PDE2A: variants seen among roughly 807,000 people sequenced by gnomAD.
PDE2A encodes the protein cGMP-dependent 3',5'-cyclic phosphodiesterase.
PDE2A carries 53 observed loss-of-function variants against 133.6 expected under a neutral mutation model. The ratio of observed to expected loss-of-function variants is 0.40; its 90% CI spans 0.32 to 0.50. The LOEUF is 0.50. Among genes scored for constraint, PDE2A ranks in the 20% least tolerant of loss-of-function variants. The probability of loss-of-function intolerance (pLI) is 0.73; values close to 1 mark genes in which losing one functional copy is unlikely to be tolerated. For missense variants in PDE2A, 796 were observed against 1,232.4 expected, an observed-to-expected ratio of 0.65 and a Z score of 5.30; for synonymous variants, 491 against 490.2, an observed-to-expected ratio of 1.00 and a Z score of -0.02.
chr11:72,579,691 C>T (rs772324057), intron 25 of PDE2A, 83 bp from the exon 26 acceptor site: 35 of 939,476 alleles, frequency 3.7e-5, no homozygotes, highest in Middle Eastern at 3.1e-4. Flanking sequence ...GCAGGGGCCT[C>T]GTCCAGCTCC....
chr11:72,653,229 GGAA>G, intron 1 of PDE2A, among the ~76,000 whole-genome samples: 1 of 152,312 alleles, frequency 6.6e-6, no homozygotes, highest in East Asian at 1.9e-4. Context: ...GCTCTCGAGG[GGAA>G]GAAGGAGGCA....
At chr11:72,630,354 C>A (rs1021915195) in intron 2 of PDE2A, among the ~76,000 whole-genome samples, 1 of 152,002 alleles carries the variant, frequency 6.6e-6, no homozygotes, top group Non-Finnish European at 1.5e-5. Flanking sequence ...GACAGCAGAG[C>A]GCCCTGGCAT....
intron 2 of PDE2A, among the ~76,000 whole-genome samples, chr11:72,614,652 G>T (rs73544309): frequency 0.063 from 9,655 of 152,214 alleles, 1,017 homozygotes; most frequent in African/African-American, 0.22. Flanking sequence ...TGCTGGTCGG[G>T]GGACCACACC....
chr11:72,669,151 C>T (rs74955758), intron 1 of PDE2A: 3,742 of 167,236 alleles, frequency 0.022, 70 homozygotes, highest in African/African-American at 0.043. Flanking sequence ...CCCAGGACCA[C>T]ACAGCTACAG....
chr11:72,592,243 G>A (rs1049831575), intron 6 of PDE2A, among the ~76,000 whole-genome samples: 4 of 152,312 alleles, frequency 2.6e-5, no homozygotes, highest in South Asian at 2.1e-4. Context: ...CCCCACCTGC[G>A]TCACTAGCTT....
chr11:72,578,438 C>T lies in PDE2A; in HGVS notation c.2508+38G>A. 6.3e-7 allele frequency: 1 copy of T among 1,596,392 alleles called. No homozygotes were observed. ...CTCCCTGTCCCAGGCCAGGAACCCT[C>T]CCCCATCCTGGACATCCTGGGGTCA... On this transcript the variant is annotated intron_variant, in intron 29 of 30. Transcript: ENST00000334456. The surrounding 1 kb of genome is among the most constrained non-coding windows in gnomAD (Gnocchi z 4.2).
intron 1 of PDE2A, among the ~76,000 whole-genome samples, chr11:72,665,784 C>T (rs995106859): frequency 1.4e-4 from 22 of 152,242 alleles, no homozygotes; most frequent in Non-Finnish European, 2.9e-5. Context: ...CTGCCACCCT[C>T]ACTTTGAGCC....
At chr11:72,589,154 G>A in intron 12 of PDE2A, 21 bp downstream of exon 12, 1 of 1,606,330 alleles carries the variant, frequency 6.2e-7, no homozygotes, top group Non-Finnish European at 8.5e-7. Context: ...TCCCCTCTGG[G>A]TCAGCCAGGC....
chr11:72,671,842 A>G (rs1042979764), intron 1 of PDE2A, among the ~76,000 whole-genome samples: 4 of 151,984 alleles, frequency 2.6e-5, no homozygotes, highest in African/African-American at 9.7e-5. Flanking sequence ...GACCCTCTGC[A>G]TCCTAGCTAG....
chr11:72,671,011 G>C (rs1291949911), intron 1 of PDE2A, among the ~76,000 whole-genome samples: 1 of 152,126 alleles, frequency 6.6e-6, no homozygotes, highest in Non-Finnish European at 1.5e-5. Context: ...CACTGAGTCA[G>C]GTGCCTAGCC....
intron 1 of PDE2A, among the ~76,000 whole-genome samples, chr11:72,663,212 A>C (rs1733364045): frequency 6.6e-6 from 1 of 152,164 alleles, no homozygotes; most frequent in African/African-American, 2.4e-5. Context: ...CAGGGTGACA[A>C]GCACAGGCAG....
At chr11:72,608,880 A>G in intron 2 of PDE2A, 129 bp from the exon 3 acceptor site, 1 of 630,454 alleles carries the variant, frequency 1.6e-6, no homozygotes, top group Admixed American at 2.6e-5. Flanking sequence ...CAGGAATCCC[A>G]GGATCTTAGG....
At chr11:72,588,688 C>A (rs1208712362) in intron 13 of PDE2A, 96 bp downstream of exon 13, 8 of 1,226,354 alleles carry the variant, frequency 6.5e-6, no homozygotes, top group Non-Finnish European at 9.2e-6. Context: ...AGACAGTAGC[C>A]CCTGCCCAGT....
At chr11:72,658,208 A>G in intron 1 of PDE2A, 1 of 441,100 alleles carries the variant, frequency 2.3e-6, no homozygotes, top group South Asian at 1.6e-5. Flanking sequence ...ACTGCCAGCA[A>G]TGGTGGGTGA....
At position 72,581,885 on chromosome 11, in the gene PDE2A, G is replaced by T. The variant is rs374949215; in HGVS notation, c.1914C>A (p.Thr638=). ...TCTGTGGGCGCACGAACCGGGCCAG[G>T]GTCGGGCAGTCAATTTTGTAGTTGT... ...FINNYKIDCP[T]LARFCLMVKK... Residue 638 remains threonine (T), a synonymous_variant, in exon 22 of 31, where the codon ACC becomes ACA. Coordinates refer to ENST00000334456, the MANE Select transcript of PDE2A (RefSeq NM_002599.5). 5 of 1,613,756 alleles carry T rather than the reference G, an allele frequency of 3.1e-6. No individual in the cohort carries two copies. The highest frequency in any genetic ancestry group is 4.2e-6 in the Non-Finnish European group (5 of 1,179,876).
chr11:72,580,781 C>T (rs539257572), intron 24 of PDE2A, 105 bp downstream of exon 24: 1 of 968,798 alleles, frequency 1.0e-6, no homozygotes, highest in Non-Finnish European at 1.7e-6. Flanking sequence ...GTGTCTAAAC[C>T]TGGCTCCTGG....
rs181960232 is a variant in PDE2A, at chr11:72,631,262, G to T, written c.144+10992C>A. On this transcript the variant is annotated intron_variant, in intron 2 of 30. Transcript: ENST00000334456. ...CCCCCTCCTCCAGGGAGCCTTGCCTGCTTGCACCCTGCTCTCTCCCAAGAC... is the reference window on the plus strand; with the variant it reads ...CCCCCTCCTCCAGGGAGCCTTGCCTTCTTGCACCCTGCTCTCTCCCAAGAC... 5.9e-6 allele frequency: 4 copies of T among 680,680 alleles called. No homozygotes were observed. In the Admixed American group the frequency reaches 1.2e-4, roughly 20 times the overall value. 42.2% of individuals were successfully genotyped at this position (680,680 alleles called of 1,614,324 possible).
intron 2 of PDE2A, among the ~76,000 whole-genome samples, chr11:72,623,417 G>A (rs1291020162): frequency 6.6e-6 from 1 of 152,018 alleles, no homozygotes; most frequent in African/African-American, 2.4e-5. Flanking sequence ...AATATTCAGA[G>A]TTTAAGGCTC....
At chr11:72,606,458 G>A (rs186616046) in intron 3 of PDE2A, among the ~76,000 whole-genome samples, 11 of 152,282 alleles carry the variant, frequency 7.2e-5, no homozygotes, top group African/African-American at 1.9e-4. Context: ...ATCAGCTGTC[G>A]CCAGCCAGCC....
Sources: gnomAD v4.1 joint callset for allele counts (sites outside exome capture counted in the v4.1 genomes callset) on GRCh38, gnomAD v4.1.1 for gene constraint, Gnocchi (gnomAD v3.1) non-coding constraint, MANE v1.5 for transcripts, NCBI Gene and HGNC (gene_info 2026-07-23, HGNC 2026-07-21) for gene names.